Variants in ZMIZ1 observed in about 807,000 individuals in gnomAD.
The protein encoded by ZMIZ1 is zinc finger MIZ-type containing 1.
Under a neutral mutation model 113.9 loss-of-function variants are expected in ZMIZ1, and 17 were observed. The ratio of observed to expected loss-of-function variants is 0.15; its 90% CI spans 0.10 to 0.22. The LOEUF (loss-of-function observed/expected upper bound fraction) is 0.22. Among genes scored for constraint, ZMIZ1 ranks in the 10% least tolerant of loss-of-function variants. The pLI, the probability that ZMIZ1 is intolerant of heterozygous loss-of-function variation, is 1.00. For synonymous variants in ZMIZ1, 607 were observed against 603.1 expected (o/e 1.01, Z -0.09); for missense variants, 1,059 against 1,477.8 (o/e 0.72, Z 4.65).
chr10:79,082,951 C>G (rs1349157681), intron 1 of ZMIZ1, among the ~76,000 whole-genome samples: 1 of 152,116 alleles, frequency 6.6e-6, no homozygotes, highest in Non-Finnish European at 1.5e-5. Context: ...TGTGCCTCCC[C>G]TCGCCCAGCT....
chr10:79,188,702 C>T (rs1012510574), intron 4 of ZMIZ1, among the ~76,000 whole-genome samples: 3 of 151,778 alleles, frequency 2.0e-5, no homozygotes, highest in African/African-American at 7.3e-5. Context: ...CTCCTCCAGC[C>T]TCTCCACCCT....
chr10:79,084,320 C>G (rs886684262), intron 1 of ZMIZ1, among the ~76,000 whole-genome samples: 4 of 152,264 alleles, frequency 2.6e-5, no homozygotes, highest in African/African-American at 9.6e-5. Flanking sequence ...TGCCTTCCTT[C>G]ACACCTCCTC....
chr10:79,211,195 C>T (rs1848517274), intron 6 of ZMIZ1, among the ~76,000 whole-genome samples: 2 of 152,106 alleles, frequency 1.3e-5, no homozygotes, highest in African/African-American at 4.8e-5. Context: ...TGTAAAGACC[C>T]TTTGAGGTGG....
At chr10:79,072,665 C>T (rs1842330269) in intron 1 of ZMIZ1, among the ~76,000 whole-genome samples, 1 of 152,198 alleles carries the variant, frequency 6.6e-6, no homozygotes, top group Non-Finnish European at 1.5e-5. Flanking sequence ...GTCGTGGGAC[C>T]AGGAAGCAGG....
At chr10:79,196,741 A>G (rs1847849634) in intron 4 of ZMIZ1, among the ~76,000 whole-genome samples, 1 of 152,230 alleles carries the variant, frequency 6.6e-6, no homozygotes, top group African/African-American at 2.4e-5. Flanking sequence ...TGGGGCTTCC[A>G]GGCAACAAGC....
Position 79,279,992 on chromosome 10 carries a change from C to A in ZMIZ1, c.425+2667C>A, listed in dbSNP as rs987570596. ...GGGAGGGAGAGGGGTATTATTATTACTTTTTTTTTTTTTTTGGACAAGATC... is the reference window on the plus strand; with the variant it reads ...GGGAGGGAGAGGGGTATTATTATTAATTTTTTTTTTTTTTTGGACAAGATC... On this transcript the variant is annotated intron_variant, in intron 8 of 24. Transcript: ENST00000334512. Among the ~76,000 whole-genome samples the A allele has an allele frequency of 6.2e-3, 864 of 139,352 alleles. 6 individuals carry two copies. The highest frequency in any genetic ancestry group is 0.022 in the African/African-American group (822 of 37,652). The allele number at this position is 139,352 out of a possible 152,430, so 91.4% of individuals were successfully genotyped here.
intron 1 of ZMIZ1, among the ~76,000 whole-genome samples, chr10:79,103,604 G>A (rs940556221): frequency 7.2e-5 from 11 of 152,132 alleles, no homozygotes; most frequent in Admixed American, 3.3e-4. Flanking sequence ...AGGGCAAGGG[G>A]TGATGCCAAC....
At chr10:79,110,761 G>A (rs1242284838) in intron 1 of ZMIZ1, among the ~76,000 whole-genome samples, 1 of 152,246 alleles carries the variant, frequency 6.6e-6, no homozygotes, top group Non-Finnish European at 1.5e-5. Flanking sequence ...CCTGAGCCAG[G>A]TGAGGACTGA....
intron 7 of ZMIZ1, among the ~76,000 whole-genome samples, chr10:79,237,085 C>A (rs1414939681): frequency 6.6e-6 from 1 of 152,092 alleles, no homozygotes; most frequent in Non-Finnish European, 1.5e-5. Context: ...CTGCAGGATG[C>A]GGGGATGTGG....
At position 79,208,133 on chromosome 10, in the gene ZMIZ1, G is replaced by GT. The variant is rs1279209408; in HGVS notation, c.61-202dup. On this transcript the variant is annotated intron_variant, in intron 5 of 24. Coordinates refer to ENST00000334512, the MANE Select transcript of ZMIZ1 (RefSeq NM_020338.4). ...TCGGGGAGGTGGGGTGGAGGTGGGG[G>GT]TGGGGGGGGGTGGGAGCAGGCATGC... Among the ~76,000 whole-genome samples the GT allele has an allele frequency of 2.2e-5, 3 of 135,014 alleles. No individual in the cohort carries two copies. In the East Asian group the frequency reaches 7.0e-4, roughly 32 times the overall value. The allele number at this position is 135,014 out of a possible 152,430, so 88.6% of individuals were successfully genotyped here.
chr10:79,140,877 G>A (rs1226408293), intron 3 of ZMIZ1, among the ~76,000 whole-genome samples: 1 of 152,056 alleles, frequency 6.6e-6, no homozygotes, highest in African/African-American at 2.4e-5. Context: ...CGACCTCCCA[G>A]GCTGAAGCGA....
intron 1 of ZMIZ1, among the ~76,000 whole-genome samples, chr10:79,116,559 A>G (rs1484945338): frequency 1.3e-5 from 2 of 152,100 alleles, no homozygotes; most frequent in Non-Finnish European, 2.9e-5. Flanking sequence ...GTGGGGGTGC[A>G]CAGAAGAGTG....
At chr10:79,242,069 G>A (rs1449719147) in intron 7 of ZMIZ1, among the ~76,000 whole-genome samples, 2 of 152,090 alleles carry the variant, frequency 1.3e-5, no homozygotes, top group Non-Finnish European at 2.9e-5. Flanking sequence ...AGTTTCTCCC[G>A]AGGGGGTAAT....
chr10:79,151,244 T>C lies in ZMIZ1; in HGVS notation c.-130-10809T>C, dbSNP rs182666388. On this transcript the variant is annotated intron_variant, in intron 3 of 24. Coordinates refer to ENST00000334512, the MANE Select transcript of ZMIZ1 (RefSeq NM_020338.4). Reference sequence around the variant, plus strand: ...GACACATTGCTGCTCTGAGCCTCAGTGTCTGCATCTGGCAAGTGGACCTTT... The same window carrying C: ...GACACATTGCTGCTCTGAGCCTCAGCGTCTGCATCTGGCAAGTGGACCTTT... Among the ~76,000 whole-genome samples the C allele has an allele frequency of 6.5e-3, 993 of 152,262 alleles. 14 individuals carry two copies. The highest frequency in any genetic ancestry group is 0.023 in the African/African-American group (948 of 41,552).
At chr10:79,265,468 CTTT>C (rs35682814) in intron 7 of ZMIZ1, among the ~76,000 whole-genome samples, 6 of 91,650 alleles carry the variant, frequency 6.5e-5, no homozygotes, top group East Asian at 3.4e-4. Flanking sequence ...TTTTTCTTTT[CTTT>C]TTTTTTTTTT....
At chr10:79,107,216 A>G (rs933523727) in intron 1 of ZMIZ1, among the ~76,000 whole-genome samples, 2 of 151,844 alleles carry the variant, frequency 1.3e-5, no homozygotes, top group African/African-American at 4.9e-5. Flanking sequence ...CAAAGCCCAG[A>G]ACTTTCTGCA....
chr10:79,108,562 C>T (rs1843634169), intron 1 of ZMIZ1, among the ~76,000 whole-genome samples: 1 of 151,904 alleles, frequency 6.6e-6, no homozygotes, highest in Non-Finnish European at 1.5e-5. Flanking sequence ...TGAGGGAGGC[C>T]GGACATATTG....
intron 7 of ZMIZ1, among the ~76,000 whole-genome samples, chr10:79,238,942 C>A (rs1040742560): frequency 6.6e-6 from 1 of 152,178 alleles, no homozygotes; most frequent in Non-Finnish European, 1.5e-5. Context: ...CCTGCTTGGG[C>A]CCCTAGCTCT....
intron 7 of ZMIZ1, among the ~76,000 whole-genome samples, chr10:79,225,653 G>A (rs2132755453): frequency 6.6e-6 from 1 of 152,332 alleles, no homozygotes; most frequent in South Asian, 2.1e-4. Flanking sequence ...AAACTACTGA[G>A]CCTCTCTTCT....
Sources: gnomAD v4.1 joint callset for allele counts (sites outside exome capture counted in the v4.1 genomes callset) on GRCh38, gnomAD v4.1.1 for gene constraint, MANE v1.5 for transcripts, NCBI Gene and HGNC (gene_info 2026-07-23, HGNC 2026-07-21) for gene names.